CASKIN2: variants seen among roughly 807,000 people sequenced by gnomAD.
CASKIN2 encodes caskin-2.
A neutral mutation model predicts 107.1 loss-of-function variants in CASKIN2; 41 were observed. The ratio of observed to expected loss-of-function variants is 0.38; its 90% confidence interval spans 0.30 to 0.50. The LOEUF (loss-of-function observed/expected upper bound fraction) is 0.50. CASKIN2 is among the 20% of genes least tolerant of loss of function. The pLI, the probability that CASKIN2 is intolerant of heterozygous loss-of-function variation, is 0.92. For synonymous variants in CASKIN2, 724 were observed against 705.6 expected (o/e 1.03, Z -0.41); for missense variants, 1,546 against 1,657.4 (o/e 0.93, Z 1.17).
rs1490974766 is a variant in CASKIN2, at chr17:75,502,274, GCTC to G, written c.2797_2799del (p.Glu933del). 4.6e-6 allele frequency: 7 copies of G among 1,525,970 alleles called. No individual in the cohort carries two copies. Among genetic ancestry groups the G allele is most frequent in the Middle Eastern group, 1.7e-4 (1 of 5,720 alleles). 94.5% of individuals were successfully genotyped at this position (1,525,970 alleles called of 1,614,324 possible). ...GATGGGGGCGTCCCCTCAGGGCCTG[GCTC>G]CTCCTCCTCCGTGTCTGACGCGGGC... On this transcript the variant is annotated inframe_deletion, in exon 18 of 20. Coordinates refer to ENST00000321617, the MANE Select transcript of CASKIN2 (RefSeq NM_020753.5). This position sits in a 1 kb window ranked among gnomAD's most constrained non-coding sequence, Gnocchi z 4.3.
Position 75,502,229 on chromosome 17 carries a change from C to T in CASKIN2, c.2845G>A (p.Gly949Arg). 2 of 1,583,028 alleles carry T rather than the reference C, an allele frequency of 1.3e-6. No individual in the cohort carries two copies. Among genetic ancestry groups the T allele is most frequent in the Non-Finnish European group, 1.7e-6 (2 of 1,170,070 alleles). ...TTCCCTTCCTCTGCAAACGGCAGCC[C>T]TTCCCCAGAGCTGCCCCGAGATGGG... ...TPPSRGSSGE[G>R]LPFAEEGNLT... The change falls in exon 18 of 20, where the codon GGG (glycine) becomes AGG (arginine). Residue 949 changes from glycine to arginine, a missense_variant. By Grantham distance (125) the Gly-to-Arg change is moderately radical. Transcript: ENST00000321617. The surrounding 1 kb of genome is among the most constrained non-coding windows in gnomAD (Gnocchi z 4.3).
chr17:75,505,812 C>A lies in CASKIN2; in HGVS notation c.835+9G>T, dbSNP rs367550650. ...GCCCCCTGGGCAGGGTATCCTCCCC[C>A]GCACTCACCCCGCAGTAGCTGCTTG... On this transcript the variant is annotated intron_variant, in intron 9 of 19. Coordinates refer to ENST00000321617, the MANE Select transcript of CASKIN2 (RefSeq NM_020753.5). This position sits in a 1 kb window ranked among gnomAD's most constrained non-coding sequence, Gnocchi z 5.1. 1.9e-6 allele frequency: 3 copies of A among 1,610,050 alleles called. No individual in the cohort carries two copies. The highest frequency in any genetic ancestry group is 1.7e-6 in the Non-Finnish European group (2 of 1,177,570).
chr17:75,513,524 C>G lies in CASKIN2; in HGVS notation c.94+187G>C, dbSNP rs117266963. Among the ~76,000 whole-genome samples, 1,375 of 152,270 alleles carry G rather than the reference C, an allele frequency of 9.0e-3. 8 individuals are homozygous for G. Among genetic ancestry groups the G allele is most frequent in the Non-Finnish European group, 0.015 (1,042 of 68,028 alleles). On this transcript the variant is annotated intron_variant, in intron 2 of 19. Coordinates refer to ENST00000321617, the MANE Select transcript of CASKIN2 (RefSeq NM_020753.5). ...AGCCCAGAGAGGTTAAGTGACTTGC[C>G]TAAGGACACACAGCAAGGGGGACCC...
intron 1 of CASKIN2, among the ~76,000 whole-genome samples, chr17:75,514,788 G>A (rs1400441801): frequency 6.6e-6 from 1 of 152,226 alleles, no homozygotes; most frequent in Non-Finnish European, 1.5e-5. Flanking sequence ...GAGGGAAGCT[G>A]CACAGCACCT....
In CASKIN2 at chr17:75,506,724, CA is replaced by C; in HGVS notation, c.487-12del. 6.2e-7 allele frequency: 1 copy of C among 1,613,596 alleles called. No individual in the cohort carries two copies. The highest frequency in any genetic ancestry group is 8.5e-7 in the Non-Finnish European group (1 of 1,179,966). On this transcript the variant is annotated splice_polypyrimidine_tract_variant and intron_variant, in intron 6 of 19. Transcript: ENST00000321617. The surrounding 1 kb of genome is among the most constrained non-coding windows in gnomAD (Gnocchi z 4.8). ...AAGCAGCTGGGCCACCTGCAGCACCCAGTGCCCAGTTAGAGCCTCCTCCTGA... is the reference window on the plus strand; with the variant it reads ...AAGCAGCTGGGCCACCTGCAGCACCCGTGCCCAGTTAGAGCCTCCTCCTGA...
At chr17:75,501,371 A>G (rs2053180351) in intron 19 of CASKIN2, 97 bp downstream of exon 19, 3 of 1,387,990 alleles carry the variant, frequency 2.2e-6, no homozygotes, top group Non-Finnish European at 3.0e-6. Context: ...AGTGCCTGCA[A>G]TGTCCCCCTC....
In CASKIN2 at chr17:75,513,843, G is replaced by T; in HGVS notation, c.-39C>A. ...CTGAGCTCTACACTCAGGAGTCCAGGGCAAAGGCAGGCAACGGGTCCAAGC... is the reference window on the plus strand; with the variant it reads ...CTGAGCTCTACACTCAGGAGTCCAGTGCAAAGGCAGGCAACGGGTCCAAGC... On this transcript the variant is annotated 5_prime_UTR_variant, in exon 2 of 20. Transcript: ENST00000321617. 6.3e-7 allele frequency: 1 copy of T among 1,582,754 alleles called. No individual in the cohort carries two copies. Among genetic ancestry groups the T allele is most frequent in the Non-Finnish European group, 8.7e-7 (1 of 1,154,724 alleles).
chr17:75,511,679 G>A (rs566613435), intron 2 of CASKIN2, among the ~76,000 whole-genome samples: 4 of 152,200 alleles, frequency 2.6e-5, no homozygotes, highest in Admixed American at 6.5e-5. Context: ...CCAGGCCCCA[G>A]TCATGCTGTG....
In CASKIN2 at chr17:75,505,711, C is replaced by G; in HGVS notation, c.836-60G>C. On this transcript the variant is annotated intron_variant, in intron 9 of 19. Transcript: ENST00000321617. The surrounding 1 kb of genome is among the most constrained non-coding windows in gnomAD (Gnocchi z 5.1). ...AGGGTCCTTAGGGCATCTTCCCACC[C>G]CTCATGCCCTTGACAACCCTCCCCC... 1.3e-6 allele frequency: 2 copies of G among 1,560,652 alleles called. No homozygotes were observed. Among genetic ancestry groups the G allele is most frequent in the East Asian group, 4.5e-5 (2 of 44,484 alleles).
rs1035288229 is a variant in CASKIN2, at chr17:75,513,644, C to T, written c.94+67G>A. On this transcript the variant is annotated intron_variant, in intron 2 of 19. Transcript: ENST00000321617. ...TATGCAGATCACAGTGACCCACCCC[C>T]ACCCACCAAGCCTCTGTGAACTGAG... 5.4e-5 allele frequency: 67 copies of T among 1,236,168 alleles called. No individual in the cohort carries two copies. The Admixed American group carries it at 1.0e-3, about 19-fold the overall frequency. 76.6% of individuals were successfully genotyped at this position (1,236,168 alleles called of 1,614,324 possible).
Position 75,502,867 on chromosome 17 carries a change from G to A in CASKIN2, c.2207C>T (p.Thr736Ile), listed in dbSNP as rs948201808. ...PPQERNLPEG[T>I]ERPPKLCSSL... ...AGAACAAAGCTTAGGGGGCCGCTCT[G>A]TGCCCTCTGGGAGGTTCCTCTCCTG... The change falls in exon 18 of 20, where the codon ACA becomes ATA. Residue 736 changes from threonine to isoleucine, a missense_variant. Transcript: ENST00000321617. This position sits in a 1 kb window ranked among gnomAD's most constrained non-coding sequence, Gnocchi z 4.3. 9 of 1,546,104 alleles carry A rather than the reference G, an allele frequency of 5.8e-6. No individual in the cohort carries two copies. The highest frequency in any genetic ancestry group is 7.9e-6 in the Non-Finnish European group (9 of 1,146,360).
In CASKIN2 at chr17:75,505,031, G is replaced by A; in HGVS notation, c.973C>T (p.His325Tyr). 6.2e-7 allele frequency: 1 copy of A among 1,611,562 alleles called. No homozygotes were observed. Among genetic ancestry groups the A allele is most frequent in the Non-Finnish European group, 8.5e-7 (1 of 1,179,438 alleles). ...HPDGRWKGHI[H>Y]ESQRGTDRIG... ...CGGTCTGTGCCCCTCTGGCTCTCGTGGATGTGGCCCTTCCAGCGGCCGTCG... is the reference window on the plus strand; with the variant it reads ...CGGTCTGTGCCCCTCTGGCTCTCGTAGATGTGGCCCTTCCAGCGGCCGTCG... Residue 325 changes from histidine to tyrosine, a missense_variant, in exon 11 of 20, where the codon CAC (histidine) becomes TAC (tyrosine). His to Tyr is a moderately conservative substitution (Grantham distance 83, BLOSUM62 2). Coordinates refer to ENST00000321617, the MANE Select transcript of CASKIN2 (RefSeq NM_020753.5). The surrounding 1 kb of genome is among the most constrained non-coding windows in gnomAD (Gnocchi z 5.1).
intron 2 of CASKIN2, among the ~76,000 whole-genome samples, chr17:75,511,472 C>A (rs1307943012): frequency 6.6e-6 from 1 of 152,160 alleles, no homozygotes; most frequent in Non-Finnish European, 1.5e-5. Context: ...AGTCACTAAC[C>A]CTCTCTGAGC....
Position 75,502,696 on chromosome 17 carries a change from C to A in CASKIN2, c.2378G>T (p.Arg793Leu), listed in dbSNP as rs199526332. 4 of 1,580,140 alleles carry A rather than the reference C, an allele frequency of 2.5e-6. No individual in the cohort carries two copies. The highest frequency in any genetic ancestry group is 2.3e-5 in the South Asian group (2 of 88,876). Residue 793 changes from arginine to leucine, a missense_variant, in exon 18 of 20, where the codon CGA (arginine) becomes CTA (leucine). Physicochemically the swap from Arg to Leu is moderately radical, Grantham distance 102. Transcript: ENST00000321617. The surrounding 1 kb of genome is among the most constrained non-coding windows in gnomAD (Gnocchi z 4.3). Reference protein sequence around the residue: ...GPPATPPDPPRPKRRSHSLSR... With the variant: ...GPPATPPDPPLPKRRSHSLSR... ...TAGGCTGTGGGACCGGCGCTTAGGT[C>A]GAGGCGGGTCTGGGGGAGTGGCAGG...
chr17:75,506,246 C>A lies in CASKIN2; in HGVS notation c.726+59G>T. 1.4e-6 allele frequency: 2 copies of A among 1,445,456 alleles called. No homozygotes were observed. The highest frequency in any genetic ancestry group is 2.3e-5 in the South Asian group (2 of 86,820). The allele number at this position is 1,445,456 out of a possible 1,614,324, so 89.5% of individuals were successfully genotyped here. On this transcript the variant is annotated intron_variant, in intron 8 of 19. Coordinates refer to ENST00000321617, the MANE Select transcript of CASKIN2 (RefSeq NM_020753.5). The surrounding 1 kb of genome is among the most constrained non-coding windows in gnomAD (Gnocchi z 4.8). The stretch of plus-strand genomic sequence containing the variant: ...TCCGTCCCGTACCTCCCCAGCCAGT[C>A]AGGGGCACAGGGCAGAGGCTCCATG...
chr17:75,510,077 G>A (rs1295280985), intron 2 of CASKIN2, among the ~76,000 whole-genome samples: 3 of 152,184 alleles, frequency 2.0e-5, no homozygotes, highest in East Asian at 1.9e-4. Flanking sequence ...CCTTCTTCCC[G>A]GGCCTGGCGC....
chr17:75,509,655 G>A, intron 2 of CASKIN2: 3 of 984,996 alleles, frequency 3.0e-6, no homozygotes, highest in Non-Finnish European at 3.6e-6. Flanking sequence ...GAAAGAAGAG[G>A]GGCTCTAGAA....
At position 75,513,905 on chromosome 17, in the gene CASKIN2, G is replaced by A; in HGVS notation, c.-101C>T. The A allele has an allele frequency of 1.9e-6, 2 of 1,052,936 alleles. No individual in the cohort carries two copies. The highest frequency in any genetic ancestry group is 2.0e-4 in the Middle Eastern group (1 of 4,946). The allele number at this position is 1,052,936 out of a possible 1,614,324, so 65.2% of individuals were successfully genotyped here. A position where few individuals can be genotyped will look rare whatever the true frequency, so the allele number is the denominator to read the frequency against. On this transcript the variant is annotated 5_prime_UTR_variant, in exon 2 of 20. Transcript: ENST00000321617. The stretch of plus-strand genomic sequence containing the variant: ...GGCGCCATGCCACAGCCCCTTGGAG[G>A]GCTCCCGGTTCCGGGGGAGCAAGTC...
Position 75,501,683 on chromosome 17 carries a change from G to T in CASKIN2, c.3303C>A (p.Ala1101=). 1 of 1,568,466 alleles carries T rather than the reference G, an allele frequency of 6.4e-7. No individual in the cohort carries two copies. Residue 1101 remains alanine, a synonymous_variant, in exon 19 of 20, where the codon GCC becomes GCA. Coordinates refer to ENST00000321617, the MANE Select transcript of CASKIN2 (RefSeq NM_020753.5). ...TGCAGGCCACCGACACAGGCTTGGG[G>T]GCTGTTCCTGCAGAGACAAAAAGGT... is the stretch of plus-strand genomic sequence containing the variant. ...ALLKVPGAGT[A]PKPVSVACTQ... is the part of the protein sequence containing the mutation.
Sources: allele counts gnomAD v4.1 joint callset (sites outside exome capture counted in the v4.1 genomes callset), GRCh38; gene constraint gnomAD v4.1.1; non-coding constraint Gnocchi (gnomAD v3.1); transcripts MANE v1.5; gene names NCBI Gene and HGNC (gene_info 2026-07-23, HGNC 2026-07-21).